The following ATG10 variants were observed in gnomAD, a reference collection of about 807,000 sequenced individuals.
ATG10 encodes autophagy related 10.
ATG10 carries 30 observed loss-of-function variants against 32.1 expected under a neutral mutation model. The ratio of observed to expected loss-of-function variants is 0.94; its 90% CI spans 0.70 to 1.27. The LOEUF is 1.27. Ranked by LOEUF, ATG10 falls within the 50% of genes most tolerant of loss-of-function variation. The pLI is 0.00. For synonymous variants in ATG10, 87 were observed against 91.5 expected (o/e 0.95, Z 0.28); for missense variants, 233 against 262.3 (o/e 0.89, Z 0.77).
chr5:82,121,775 C>T (rs866217359), intron 3 of ATG10, among the ~76,000 whole-genome samples: 14 of 152,108 alleles, frequency 9.2e-5, no homozygotes, highest in Middle Eastern at 6.8e-3. Context: ...TATTGATTTG[C>T]TTATGTTGAA....
At position 82,190,167 on chromosome 5, in the gene ATG10, TA is replaced by T. The variant is rs1744601181; in HGVS notation, c.453+11584del. Among the ~76,000 whole-genome samples, 3 of 152,188 alleles carry T rather than the reference TA, an allele frequency of 2.0e-5. No homozygotes were observed. The South Asian group carries it at 6.2e-4, about 31-fold the overall frequency. Reference sequence around the variant, plus strand: ...AAATAAAAGTGGTATGATCTGGGCTTAAAATTCTTTATAATCATTTTTTCTG... The same window carrying T: ...AAATAAAAGTGGTATGATCTGGGCTTAAATTCTTTATAATCATTTTTTCTG... On this transcript the variant is annotated intron_variant, in intron 5 of 7. Coordinates refer to ENST00000282185, the MANE Select transcript of ATG10 (RefSeq NM_031482.5).
intron 5 of ATG10, among the ~76,000 whole-genome samples, chr5:82,205,682 A>C (rs1301056087): frequency 6.6e-6 from 1 of 152,250 alleles, no homozygotes; most frequent in East Asian, 1.9e-4. Context: ...TTTAGAACAA[A>C]TGGAAAAGAT....
chr5:82,103,129 A>G (rs936302656), intron 3 of ATG10, among the ~76,000 whole-genome samples: 13 of 152,288 alleles, frequency 8.5e-5, no homozygotes, highest in African/African-American at 3.1e-4. Context: ...CTTTGCACAA[A>G]TAACTCATCT....
At chr5:82,084,604 G>A (rs1480549327) in intron 3 of ATG10, among the ~76,000 whole-genome samples, 1 of 152,220 alleles carries the variant, frequency 6.6e-6, no homozygotes. Flanking sequence ...TACCCACAAA[G>A]GGAAGCCCAT....
intron 2 of ATG10, among the ~76,000 whole-genome samples, chr5:82,047,278 A>C (rs1189782914): frequency 2.0e-5 from 3 of 152,160 alleles, no homozygotes; most frequent in Non-Finnish European, 4.4e-5. Context: ...CACGTCTATG[A>C]ACTGAAAATT....
intron 2 of ATG10, among the ~76,000 whole-genome samples, chr5:82,040,278 A>T (rs1021020918): frequency 1.3e-5 from 2 of 152,214 alleles, no homozygotes; most frequent in Non-Finnish European, 2.9e-5. Context: ...CAGAAATACA[A>T]AATAAAGGCA....
chr5:82,199,303 C>G (rs1744977147), intron 5 of ATG10, among the ~76,000 whole-genome samples: 1 of 152,132 alleles, frequency 6.6e-6, no homozygotes, highest in Non-Finnish European at 1.5e-5. Flanking sequence ...GAGAGATTGT[C>G]TCAAATTTTC....
chr5:82,249,395 C>CCT (rs1747154039), intron 5 of ATG10, among the ~76,000 whole-genome samples: 1 of 152,128 alleles, frequency 6.6e-6, no homozygotes, highest in Admixed American at 6.5e-5. Flanking sequence ...ACAGGAACGT[C>CCT]CTATTTTTAG....
chr5:81,974,099 C>G (rs1391564017), intron 1 of ATG10, among the ~76,000 whole-genome samples: 1 of 151,982 alleles, frequency 6.6e-6, no homozygotes, highest in Admixed American at 6.6e-5. Context: ...GAGAGTAAAG[C>G]TTACAGAAGA....
chr5:82,158,763 C>T (rs181964310), intron 3 of ATG10, among the ~76,000 whole-genome samples: 5 of 152,016 alleles, frequency 3.3e-5, no homozygotes, highest in Admixed American at 6.6e-5. Context: ...CAAAGTGTTA[C>T]GATTATGATG....
At chr5:82,164,595 G>A in intron 4 of ATG10, 58 bp downstream of exon 4, 1 of 1,468,008 alleles carries the variant, frequency 6.8e-7, no homozygotes, top group East Asian at 2.3e-5. Context: ...AAAGCAAAAA[G>A]CATATTTGGA....
chr5:82,131,234 A>C (rs1766507600), intron 3 of ATG10, among the ~76,000 whole-genome samples: 3 of 152,188 alleles, frequency 2.0e-5, no homozygotes. Flanking sequence ...TTTTGAAAGA[A>C]ATGGCCACAG....
intron 2 of ATG10, among the ~76,000 whole-genome samples, chr5:81,997,968 A>G (rs1761717894): frequency 2.0e-5 from 3 of 152,254 alleles, no homozygotes; most frequent in Admixed American, 2.0e-4. Context: ...AACGTATTTC[A>G]GGATATCGTC....
intron 5 of ATG10, among the ~76,000 whole-genome samples, chr5:82,209,269 A>G (rs1745409329): frequency 6.6e-6 from 1 of 151,766 alleles, no homozygotes; most frequent in African/African-American, 2.4e-5. Context: ...GTTTTTTTCT[A>G]CTGTTATATA....
chr5:81,995,604 T>A (rs1219262705), intron 2 of ATG10, among the ~76,000 whole-genome samples: 2 of 152,118 alleles, frequency 1.3e-5, no homozygotes, highest in Admixed American at 1.3e-4. Flanking sequence ...TCACTTTCAT[T>A]TCCTGTTTTC....
At chr5:82,076,987 T>C (rs1190390998) in intron 3 of ATG10, among the ~76,000 whole-genome samples, 1 of 152,140 alleles carries the variant, frequency 6.6e-6, no homozygotes, top group Non-Finnish European at 1.5e-5. Flanking sequence ...AGATTTGAGG[T>C]TTGGTAAATG....
At chr5:82,164,285 C>G (rs894445406) in intron 3 of ATG10, 114 bp from the exon 4 acceptor site, 2 of 1,066,724 alleles carry the variant, frequency 1.9e-6, no homozygotes, top group East Asian at 2.4e-5. Context: ...TGCCTCATAG[C>G]CTTATATTTA....
rs1747432313 is a variant in ATG10, at chr5:82,255,560, A to C, written c.*1497A>C. On this transcript the variant is annotated 3_prime_UTR_variant, in exon 8 of 8. Transcript: ENST00000282185. ...GTTTACAGCTACAGATGCTGGGGCC[A>C]CCTGACACAGTCTCTCTGGGGGTGA... 1 of 152,272 alleles carries C rather than the reference A, an allele frequency of 6.6e-6. No homozygotes were observed. The highest frequency in any genetic ancestry group is 2.4e-5 in the African/African-American group (1 of 41,458). The allele number at this position is 152,272 out of a possible 1,614,324, so 9.4% of individuals were successfully genotyped here. A position where few individuals can be genotyped will look rare whatever the true frequency, so the allele number is the denominator to read the frequency against.
intron 3 of ATG10, among the ~76,000 whole-genome samples, chr5:82,133,797 C>G (rs1353427916): frequency 6.6e-6 from 1 of 151,946 alleles, no homozygotes; most frequent in Admixed American, 6.6e-5. Context: ...AGCATTGAAT[C>G]TATAAATTTG....
Sources: allele counts gnomAD v4.1 joint callset (sites outside exome capture counted in the v4.1 genomes callset), GRCh38; gene constraint gnomAD v4.1.1; transcripts MANE v1.5; gene names NCBI Gene and HGNC (gene_info 2026-07-23, HGNC 2026-07-21).